RPAP2: variants seen among roughly 807,000 people sequenced by gnomAD.
The protein encoded by RPAP2 is RNA polymerase II associated protein 2.
A neutral mutation model predicts 73.1 loss-of-function variants in RPAP2; 52 were observed. The ratio of observed to expected loss-of-function variants is 0.71; its 90% CI spans 0.57 to 0.90. The LOEUF (loss-of-function observed/expected upper bound fraction) is 0.90, where lower values mean the gene tolerates loss of function less well. Ranked by LOEUF, RPAP2 falls within the 40% of genes least tolerant of loss-of-function variation. The pLI is 0.00. For synonymous variants in RPAP2, 225 were observed against 242.1 expected (o/e 0.93, Z 0.65); for missense variants, 598 against 701.8 (o/e 0.85, Z 1.67).
chr1:92,310,512 G>A (rs1651528022), intron 6 of RPAP2, among the ~76,000 whole-genome samples: 1 of 152,176 alleles, frequency 6.6e-6, no homozygotes, highest in Non-Finnish European at 1.5e-5. Flanking sequence ...AGTATTTAAT[G>A]CAGAGATATT....
At chr1:92,300,586 T>C (rs139093592) in intron 2 of RPAP2, among the ~76,000 whole-genome samples, 58 of 152,356 alleles carry the variant, frequency 3.8e-4, no homozygotes, top group African/African-American at 1.3e-3. Flanking sequence ...TTCTGTTCTT[T>C]GTTACATCAA....
chr1:92,374,011 A>T (rs1655286770), intron 11 of RPAP2, among the ~76,000 whole-genome samples: 1 of 152,180 alleles, frequency 6.6e-6, no homozygotes, highest in African/African-American at 2.4e-5. Context: ...CTTTGCTGGT[A>T]CTACACTTGC....
In RPAP2 at chr1:92,383,830, C is replaced by T. The variant is rs566459970; in HGVS notation, c.1838+2957C>T. ...AATAGGAGTGGTGAGAGAGGGCATCCCTGTCTTGTGCCCATTTTTCAAAGA... is the reference window on the plus strand; with the variant it reads ...AATAGGAGTGGTGAGAGAGGGCATCTCTGTCTTGTGCCCATTTTTCAAAGA... On this transcript the variant is annotated intron_variant, in intron 12 of 12. Transcript: ENST00000610020. 2.6e-5 allele frequency among the ~76,000 whole-genome samples: 4 copies of T among 152,256 alleles called. 1 individual carries two copies. The South Asian group carries it at 8.3e-4, about 32-fold the overall frequency.
intron 7 of RPAP2, among the ~76,000 whole-genome samples, chr1:92,321,122 TC>T (rs111909850): frequency 0.053 from 8,065 of 152,260 alleles, 570 homozygotes; most frequent in African/African-American, 0.17. Flanking sequence ...TCAAAACACA[TC>T]CCTTAACTCT....
intron 6 of RPAP2, among the ~76,000 whole-genome samples, chr1:92,315,297 G>A (rs1651843952): frequency 6.6e-6 from 1 of 152,164 alleles, no homozygotes; most frequent in Non-Finnish European, 1.5e-5. Flanking sequence ...TATCAATTAA[G>A]TTTGACATTT....
chr1:92,314,206 A>G (rs951497500), intron 6 of RPAP2, among the ~76,000 whole-genome samples: 1 of 152,190 alleles, frequency 6.6e-6, no homozygotes, highest in African/African-American at 2.4e-5. Flanking sequence ...AGCTTTTGAC[A>G]TGCCTTCCTC....
At chr1:92,350,635 G>A (rs1481673597) in intron 11 of RPAP2, among the ~76,000 whole-genome samples, 2 of 152,154 alleles carry the variant, frequency 1.3e-5, no homozygotes, top group South Asian at 2.1e-4. Context: ...ATGTATATAA[G>A]TATATATAGA....
intron 7 of RPAP2, among the ~76,000 whole-genome samples, chr1:92,322,791 C>T (rs140669136): frequency 0.013 from 1,940 of 151,546 alleles, 22 homozygotes; most frequent in Non-Finnish European, 0.02. Flanking sequence ...GTGGGAGAAT[C>T]GCTTGAACCT....
At chr1:92,307,108 A>G in intron 5 of RPAP2, 80 bp from the exon 6 acceptor site, 1 of 949,072 alleles carries the variant, frequency 1.1e-6, no homozygotes, top group Non-Finnish European at 1.6e-6. Context: ...TGAACGATAC[A>G]TTTATGTTTT....
intron 11 of RPAP2, among the ~76,000 whole-genome samples, chr1:92,361,730 G>T (rs1358605799): frequency 6.6e-6 from 1 of 152,144 alleles, no homozygotes; most frequent in Middle Eastern, 3.2e-3. Flanking sequence ...AGATGTAAAT[G>T]TGAGATTATC....
rs1320840583 is a variant in RPAP2 at position 92,399,504 on chromosome 1, G to A, written c.*12493G>A. Reference sequence around the variant, plus strand: ...ATAAGCAGGAAAAGCCAGTCCCCTAGATGCCCATCTGACCCTACCTTACTG... The same window carrying A: ...ATAAGCAGGAAAAGCCAGTCCCCTAAATGCCCATCTGACCCTACCTTACTG... On this transcript the variant is annotated 3_prime_UTR_variant, in exon 13 of 13. Coordinates refer to ENST00000610020, the MANE Select transcript of RPAP2 (RefSeq NM_024813.3). 6.6e-6 allele frequency: 1 copy of A among 152,186 alleles called. No individual in the cohort carries two copies. Among genetic ancestry groups the A allele is most frequent in the Non-Finnish European group, 1.5e-5 (1 of 68,038 alleles). 9.4% of individuals were successfully genotyped at this position (152,186 alleles called of 1,614,324 possible). A position where few individuals can be genotyped will look rare whatever the true frequency, so the allele number is the denominator to read the frequency against.
intron 3 of RPAP2, 43 bp from the exon 4 acceptor site, chr1:92,303,934 T>C: frequency 7.2e-7 from 1 of 1,381,528 alleles, no homozygotes; most frequent in Non-Finnish European, 1.0e-6. Flanking sequence ...AAATGAACTT[T>C]TCTATTAAAC....
chr1:92,346,169 GTTT>G (rs11304679), intron 11 of RPAP2, among the ~76,000 whole-genome samples: 1 of 140,382 alleles, frequency 7.1e-6, no homozygotes. Context: ...TCTCTTTTTT[GTTT>G]TTTTTTTTTG....
chr1:92,357,680 C>T (rs562428326), intron 11 of RPAP2, among the ~76,000 whole-genome samples: 15 of 152,250 alleles, frequency 9.9e-5, no homozygotes, highest in African/African-American at 3.1e-4. Flanking sequence ...TATAGGCATG[C>T]GCCACCACAC....
At position 92,391,386 on chromosome 1, in the gene RPAP2, T is replaced by G. The variant is rs1342963045; in HGVS notation, c.*4375T>G. 1 of 152,094 alleles carries G rather than the reference T, an allele frequency of 6.6e-6. No homozygotes were observed. Among genetic ancestry groups the G allele is most frequent in the Non-Finnish European group, 1.5e-5 (1 of 68,006 alleles). 9.4% of individuals were successfully genotyped at this position (152,094 alleles called of 1,614,324 possible). A position where few individuals can be genotyped will look rare whatever the true frequency, so the allele number is the denominator to read the frequency against. ...TCTCTAGGACATGTTTAAAGCAGTATGTAGAGGGAAATTTATAGCACTAAA... is the reference window on the plus strand; with the variant it reads ...TCTCTAGGACATGTTTAAAGCAGTAGGTAGAGGGAAATTTATAGCACTAAA... On this transcript the variant is annotated 3_prime_UTR_variant, in exon 13 of 13. Transcript: ENST00000610020.
chr1:92,320,637 A>G lies in RPAP2; in HGVS notation c.524+3A>G. 1 of 1,605,612 alleles carries G rather than the reference A, an allele frequency of 6.2e-7. No homozygotes were observed. Among genetic ancestry groups the G allele is most frequent in the Non-Finnish European group, 8.5e-7 (1 of 1,172,832 alleles). ...CAACTGCTAAAGGAAGAACAAAGGT[A>G]TGGTTGAATCAGTATCATTTACCAT... On this transcript the variant is annotated splice_donor_region_variant and intron_variant, in intron 7 of 12. Transcript: ENST00000610020.
intron 11 of RPAP2, among the ~76,000 whole-genome samples, chr1:92,354,254 C>T (rs2101353997): frequency 6.6e-6 from 1 of 152,140 alleles, no homozygotes; most frequent in African/African-American, 2.4e-5. Context: ...CGGGGTCTGC[C>T]ACTATAAGGG....
At chr1:92,324,816 A>T (rs1652532363) in intron 8 of RPAP2, among the ~76,000 whole-genome samples, 2 of 152,208 alleles carry the variant, frequency 1.3e-5, no homozygotes, top group South Asian at 4.1e-4. Context: ...TGTCCATTGA[A>T]AACATTACAG....
At chr1:92,303,840 T>C (rs1000698497) in intron 3 of RPAP2, 137 bp from the exon 4 acceptor site, 10 of 501,946 alleles carry the variant, frequency 2.0e-5, no homozygotes, top group Non-Finnish European at 3.4e-5. Flanking sequence ...TTTTCTCCTC[T>C]AATTCTAACC....
Sources: allele counts gnomAD v4.1 joint callset (sites outside exome capture counted in the v4.1 genomes callset), GRCh38; gene constraint gnomAD v4.1.1; transcripts MANE v1.5; gene names NCBI Gene and HGNC (gene_info 2026-07-23, HGNC 2026-07-21).